Variants in DUSP29 observed in about 807,000 individuals in gnomAD.
DUSP29 encodes dual specificity phosphatase 29.
A neutral mutation model predicts 13.5 loss-of-function variants in DUSP29; 12 were observed. The ratio of observed to expected loss-of-function variants is 0.89; its 90% CI spans 0.57 to 1.44. The LOEUF (loss-of-function observed/expected upper bound fraction) is 1.44. DUSP29 is among the 40% of genes most tolerant of loss of function. The pLI is 0.00. For missense variants in DUSP29, 308 were observed against 301.1 expected (o/e 1.02, Z -0.17); for synonymous variants, 134 against 128.7 (o/e 1.04, Z -0.28).
intron 1 of DUSP29, among the ~76,000 whole-genome samples, chr10:75,066,953 TTTTTC>T (rs1418426694): frequency 1.3e-3 from 150 of 111,246 alleles, no homozygotes; most frequent in African/African-American, 6.8e-3. Context: ...CTTTTTTTTC[TTTTTC>T]TTTTTTTTTT....
chr10:75,038,495 G>A (rs1846515913), intron 3 of DUSP29, among the ~76,000 whole-genome samples: 1 of 152,138 alleles, frequency 6.6e-6, no homozygotes, highest in Admixed American at 6.5e-5. Context: ...GTCCACCCCT[G>A]GCATTCAAAT....
At chr10:75,073,443 A>C (rs996425782) in intron 1 of DUSP29, among the ~76,000 whole-genome samples, 126 bp downstream of exon 1, 1 of 152,222 alleles carries the variant, frequency 6.6e-6, no homozygotes, top group Non-Finnish European at 1.5e-5. Flanking sequence ...CACTAGAAGG[A>C]GGTCGGCTAT....
At position 75,043,934 on chromosome 10, in the gene DUSP29, T is replaced by C. The variant is rs2134282973; in HGVS notation, c.284A>G (p.Asp95Gly). 6.2e-7 allele frequency: 1 copy of C among 1,613,780 alleles called. No homozygotes were observed. Among genetic ancestry groups the C allele is most frequent in the South Asian group, 1.1e-5 (1 of 91,066 alleles). The change falls in exon 3 of 4, where the codon GAC becomes GGC. Residue 95 changes from aspartate to glycine, a missense_variant. Transcript: ENST00000338487. ...GTCGCGGTAGTAGTCGGGCCCAGTG[T>C]CCACGTTCCAGCGGCCGTGGGCCGC... is the stretch of plus-strand genomic sequence containing the variant. ...LNAAHGRWNVDTGPDYYRDMD... is the reference protein window; with the variant it reads ...LNAAHGRWNVGTGPDYYRDMD...
At chr10:75,054,382 A>G (rs1415379219) in intron 2 of DUSP29, among the ~76,000 whole-genome samples, 2 of 152,220 alleles carry the variant, frequency 1.3e-5, no homozygotes, top group Non-Finnish European at 2.9e-5. Context: ...AACAATAAGG[A>G]AGTAGTTAAA....
intron 1 of DUSP29, among the ~76,000 whole-genome samples, chr10:75,063,854 C>T (rs1280023950): frequency 2.6e-5 from 4 of 152,060 alleles, no homozygotes; most frequent in Non-Finnish European, 5.9e-5. Context: ...CCCACAAATA[C>T]AATTATTATT....
intron 2 of DUSP29, among the ~76,000 whole-genome samples, chr10:75,052,863 C>T (rs369424487): frequency 2.6e-5 from 4 of 152,378 alleles, no homozygotes; most frequent in East Asian, 1.9e-4. Context: ...GCCCCTCTGG[C>T]TGCGCTAGTT....
intron 2 of DUSP29, among the ~76,000 whole-genome samples, chr10:75,048,354 T>C (rs1222462803): frequency 6.6e-6 from 1 of 152,140 alleles, no homozygotes; most frequent in Non-Finnish European, 1.5e-5. Flanking sequence ...ACCTTTTTTT[T>C]ACTCTTCCCA....
chr10:75,059,651 G>A (rs188623406), intron 1 of DUSP29, among the ~76,000 whole-genome samples: 3 of 152,068 alleles, frequency 2.0e-5, no homozygotes, highest in Non-Finnish European at 4.4e-5. Flanking sequence ...TTAGTGTCAG[G>A]GGGAGGGAGA....
intron 1 of DUSP29, among the ~76,000 whole-genome samples, chr10:75,068,266 T>G (rs1456442744): frequency 1.3e-5 from 2 of 151,344 alleles, no homozygotes; most frequent in African/African-American, 4.9e-5. Flanking sequence ...AGTCCAGCAG[T>G]TCAAGACCAG....
chr10:75,061,272 A>T (rs1436260217), intron 1 of DUSP29, among the ~76,000 whole-genome samples: 1 of 152,102 alleles, frequency 6.6e-6, no homozygotes, highest in Non-Finnish European at 1.5e-5. Context: ...GGGGAATTGG[A>T]TTCTCCCAAG....
chr10:75,068,795 G>A (rs1168351666), intron 1 of DUSP29, among the ~76,000 whole-genome samples: 1 of 152,276 alleles, frequency 6.6e-6, no homozygotes, highest in Non-Finnish European at 1.5e-5. Flanking sequence ...TTTTAACTTA[G>A]TACAAGTTAG....
At chr10:75,042,424 T>A (rs763525818) in intron 3 of DUSP29, among the ~76,000 whole-genome samples, 1 of 152,252 alleles carries the variant, frequency 6.6e-6, no homozygotes, top group Non-Finnish European at 1.5e-5. Context: ...CTTCAAATAC[T>A]ATGAGGCAAA....
intron 1 of DUSP29, among the ~76,000 whole-genome samples, chr10:75,062,372 C>A (rs1043005165): frequency 6.6e-6 from 1 of 152,184 alleles, no homozygotes; most frequent in South Asian, 2.1e-4. Flanking sequence ...CTGAAACCTC[C>A]GTCTGCCTCC....
chr10:75,062,826 A>G (rs1847120403), intron 1 of DUSP29, among the ~76,000 whole-genome samples: 1 of 152,224 alleles, frequency 6.6e-6, no homozygotes, highest in Admixed American at 6.5e-5. Flanking sequence ...GACACACACA[A>G]TATCAATCAC....
intron 2 of DUSP29, among the ~76,000 whole-genome samples, chr10:75,055,052 G>A (rs755486062): frequency 1.3e-5 from 2 of 152,040 alleles, no homozygotes; most frequent in African/African-American, 4.8e-5. Context: ...ATATTGCTCA[G>A]GCTACTTGCA....
intron 3 of DUSP29, 70 bp downstream of exon 3, chr10:75,043,726 TA>T: frequency 7.5e-7 from 1 of 1,327,980 alleles, no homozygotes; most frequent in Non-Finnish European, 9.9e-7. Context: ...GGGCGGGGCC[TA>T]AGCTACGGGC....
At chr10:75,064,350 A>C (rs939756668) in intron 1 of DUSP29, among the ~76,000 whole-genome samples, 4 of 152,180 alleles carry the variant, frequency 2.6e-5, no homozygotes, top group Non-Finnish European at 5.9e-5. Flanking sequence ...TCTACCAAAA[A>C]TACAAAATTT....
At chr10:75,066,701 G>A (rs1367869029) in intron 1 of DUSP29, among the ~76,000 whole-genome samples, 4 of 152,228 alleles carry the variant, frequency 2.6e-5, no homozygotes, top group South Asian at 2.1e-4. Flanking sequence ...CCCCCGGGCC[G>A]AGGCAGGAAG....
chr10:75,041,229 G>A (rs1846576197), intron 3 of DUSP29, among the ~76,000 whole-genome samples: 1 of 152,200 alleles, frequency 6.6e-6, no homozygotes, highest in African/African-American at 2.4e-5. Flanking sequence ...CTGTGGCATT[G>A]CTGCTGCTGA....
Sources: gnomAD v4.1 joint callset for allele counts (sites outside exome capture counted in the v4.1 genomes callset) on GRCh38, gnomAD v4.1.1 for gene constraint, MANE v1.5 for transcripts, NCBI Gene and HGNC (gene_info 2026-07-23, HGNC 2026-07-21) for gene names.